Variants in ODAD2 observed in about 807,000 individuals in gnomAD.
ODAD2 encodes outer dynein arm docking complex subunit 2, also known as outer dynein arm-docking complex subunit 2.
A neutral mutation model predicts 106.8 loss-of-function variants in ODAD2; 89 were observed. The ratio of observed to expected loss-of-function variants is 0.83; its 90% CI spans 0.70 to 0.99. ODAD2 has a LOEUF of 0.99. Ranked by LOEUF, ODAD2 falls within the 50% of genes least tolerant of loss-of-function variation. ODAD2 has a pLI of 0.00. For synonymous variants in ODAD2, 404 were observed against 436.2 expected (o/e 0.93, Z 0.92); for missense variants, 1,168 against 1,238.5 (o/e 0.94, Z 0.85).
chr10:27,899,715 G>T (rs1190108310), intron 17 of ODAD2, among the ~76,000 whole-genome samples: 1 of 152,172 alleles, frequency 6.6e-6, no homozygotes, highest in Non-Finnish European at 1.5e-5. Context: ...GAACTGGGCG[G>T]AGCCCACCAC....
intron 10 of ODAD2, among the ~76,000 whole-genome samples, chr10:27,955,926 G>A (rs1011797228): frequency 6.6e-6 from 1 of 152,080 alleles, no homozygotes; most frequent in Admixed American, 6.6e-5. Flanking sequence ...TTTCTGATGT[G>A]AATGTCTTTT....
In ODAD2 at chr10:27,916,751, T is replaced by A. The variant is rs573155126; in HGVS notation, c.2496-8974A>T. Among the ~76,000 whole-genome samples the A allele has an allele frequency of 8.5e-5, 13 of 152,238 alleles. No individual in the cohort carries two copies. The South Asian group carries it at 2.7e-3, about 32-fold the overall frequency. On this transcript the variant is annotated intron_variant, in intron 16 of 19. Coordinates refer to ENST00000305242, the MANE Select transcript of ODAD2 (RefSeq NM_018076.5). Reference sequence around the variant, plus strand: ...GAAATCAGTATATAACAACAAAATATGTGCTAATTGTTTATGCTATTGGTA... The same window carrying A: ...GAAATCAGTATATAACAACAAAATAAGTGCTAATTGTTTATGCTATTGGTA...
At chr10:27,976,980 C>G (rs1237615428) in intron 7 of ODAD2, among the ~76,000 whole-genome samples, 3 of 151,884 alleles carry the variant, frequency 2.0e-5, no homozygotes, top group African/African-American at 7.3e-5. Context: ...AAAGGTAATT[C>G]AGTGAAAAAA....
At chr10:27,903,089 A>C (rs1345167121) in intron 17 of ODAD2, among the ~76,000 whole-genome samples, 1 of 152,204 alleles carries the variant, frequency 6.6e-6, no homozygotes, top group Non-Finnish European at 1.5e-5. Flanking sequence ...CACATCAAAA[A>C]GCTTACCCAA....
chr10:27,990,499 T>A (rs1276310406), intron 2 of ODAD2, among the ~76,000 whole-genome samples: 1 of 152,192 alleles, frequency 6.6e-6, no homozygotes, highest in Non-Finnish European at 1.5e-5. Context: ...TACTACTTAA[T>A]AAATGTATGT....
intron 8 of ODAD2, among the ~76,000 whole-genome samples, chr10:27,970,802 A>T (rs1460900376): frequency 2.0e-5 from 3 of 151,972 alleles, no homozygotes; most frequent in African/African-American, 7.3e-5. Context: ...TGTCTCTACT[A>T]AAATTACAAA....
chr10:27,949,182 A>G (rs924880399), intron 10 of ODAD2, among the ~76,000 whole-genome samples: 1 of 152,208 alleles, frequency 6.6e-6, no homozygotes, highest in Non-Finnish European at 1.5e-5. Context: ...ATTTCATTCA[A>G]CAAATGTGTT....
At chr10:27,871,269 G>A (rs1439440635) in intron 17 of ODAD2, among the ~76,000 whole-genome samples, 4 of 152,280 alleles carry the variant, frequency 2.6e-5, no homozygotes, top group African/African-American at 7.2e-5. Flanking sequence ...TTTGTCAGAT[G>A]AGTAGATTGC....
At chr10:27,832,321 C>T (rs893263656) in intron 19 of ODAD2, among the ~76,000 whole-genome samples, 7 of 152,218 alleles carry the variant, frequency 4.6e-5, no homozygotes, top group South Asian at 4.1e-4. Flanking sequence ...TACTTGTACA[C>T]AGACTTGATT....
chr10:27,929,376 C>T (rs1021492520), intron 16 of ODAD2, among the ~76,000 whole-genome samples: 13 of 152,050 alleles, frequency 8.5e-5, no homozygotes, highest in Non-Finnish European at 1.5e-4. Context: ...TACACATCTG[C>T]CCTGAGATGA....
intron 2 of ODAD2, among the ~76,000 whole-genome samples, chr10:27,989,803 C>T (rs1850111630): frequency 1.3e-5 from 2 of 152,164 alleles, no homozygotes; most frequent in Admixed American, 1.3e-4. Context: ...GAGCCAACAT[C>T]ACACCACTGC....
intron 10 of ODAD2, among the ~76,000 whole-genome samples, chr10:27,949,942 T>C (rs1012395923): frequency 7.9e-5 from 12 of 152,166 alleles, no homozygotes; most frequent in African/African-American, 2.9e-4. Context: ...GGCAACACGC[T>C]TGCAGGGTCA....
chr10:27,992,307 T>G (rs556804484), intron 2 of ODAD2, among the ~76,000 whole-genome samples: 2 of 152,144 alleles, frequency 1.3e-5, no homozygotes, highest in Non-Finnish European at 2.9e-5. Flanking sequence ...AAAAGTTGTA[T>G]AGTAAATATG....
At chr10:27,969,379 T>C (rs1588632169) in intron 8 of ODAD2, among the ~76,000 whole-genome samples, 1 of 152,286 alleles carries the variant, frequency 6.6e-6, no homozygotes, top group Non-Finnish European at 1.5e-5. Context: ...GGCCTGCACC[T>C]GGTTTTCCAG....
At chr10:27,937,363 A>C in intron 14 of ODAD2, among the ~76,000 whole-genome samples, 2 of 127,318 alleles carry the variant, frequency 1.6e-5, no homozygotes, top group Non-Finnish European at 1.6e-5. Flanking sequence ...TTTGAGAGAG[A>C]CTCTTGCTCT....
At chr10:27,958,454 G>C (rs1847885288) in intron 10 of ODAD2, among the ~76,000 whole-genome samples, 1 of 152,114 alleles carries the variant, frequency 6.6e-6, no homozygotes, top group Non-Finnish European at 1.5e-5. Context: ...AATCCTAAGG[G>C]AGAAAATTCT....
chr10:27,947,996 C>T (rs1045577002), intron 10 of ODAD2, among the ~76,000 whole-genome samples: 2 of 152,168 alleles, frequency 1.3e-5, no homozygotes, highest in African/African-American at 4.8e-5. Flanking sequence ...AGACAACTTC[C>T]ACATCTTTTG....
intron 19 of ODAD2, among the ~76,000 whole-genome samples, chr10:27,831,547 C>A (rs906013599): frequency 6.6e-6 from 1 of 152,182 alleles, no homozygotes; most frequent in Non-Finnish European, 1.5e-5. Flanking sequence ...ATGAGGAAAC[C>A]ATGGCATAGA....
At chr10:27,922,156 A>AG (rs1316510364) in intron 16 of ODAD2, among the ~76,000 whole-genome samples, 2 of 150,342 alleles carry the variant, frequency 1.3e-5, no homozygotes, top group African/African-American at 2.4e-5. Flanking sequence ...TCTGCCTCAA[A>AG]AAAAAAAAAA....
Sources: allele counts gnomAD v4.1 joint callset (sites outside exome capture counted in the v4.1 genomes callset), GRCh38; gene constraint gnomAD v4.1.1; transcripts MANE v1.5; gene names NCBI Gene and HGNC (gene_info 2026-07-23, HGNC 2026-07-21).